CDK15: variants seen among roughly 807,000 people sequenced by gnomAD.
The protein encoded by CDK15 is cyclin-dependent kinase 15.
CDK15 carries 62 observed loss-of-function variants against 60.3 expected under a neutral mutation model. The ratio of observed to expected loss-of-function variants is 1.03; its 90% confidence interval spans 0.84 to 1.27. CDK15 has a LOEUF of 1.27. Among genes scored for constraint, CDK15 ranks in the 50% most tolerant of loss-of-function variants. CDK15 has a pLI of 0.00. For missense variants in CDK15, 541 were observed against 527.8 expected, an observed-to-expected ratio of 1.03 and a Z score of -0.25; for synonymous variants, 194 against 195.7, an observed-to-expected ratio of 0.99 and a Z score of 0.07.
intron 2 of CDK15, 100 bp from the exon 3 acceptor site, chr2:201,807,758 T>G (rs900413689): frequency 1.3e-6 from 2 of 1,548,524 alleles, no homozygotes; most frequent in Non-Finnish European, 1.8e-6. Flanking sequence ...GCTCTGGCAA[T>G]GCTGTCTAAT....
chr2:201,810,010 G>A (rs1382327302), intron 3 of CDK15, among the ~76,000 whole-genome samples: 3 of 151,546 alleles, frequency 2.0e-5, no homozygotes, highest in Non-Finnish European at 2.9e-5. Flanking sequence ...AGCTGAGATC[G>A]GCACCACCGC....
At chr2:201,847,252 A>T in intron 8 of CDK15, 129 bp from the exon 9 acceptor site, 1 of 846,328 alleles carries the variant, frequency 1.2e-6, no homozygotes, top group Non-Finnish European at 1.8e-6. Flanking sequence ...TTGGCCCAAG[A>T]CTTTTAATAT....
At chr2:201,861,566 T>TC in intron 10 of CDK15, 13 of 516,502 alleles carry the variant, frequency 2.5e-5, no homozygotes, top group African/African-American at 4.8e-5. Flanking sequence ...TTTTTTTTTC[T>TC]TTTTTTTTTT....
Position 201,872,271 on chromosome 2 carries a change from T to G in CDK15, c.1010-7T>G, listed in dbSNP as rs1301993402. 1 of 1,614,134 alleles carries G rather than the reference T, an allele frequency of 6.2e-7. No homozygotes were observed. Among genetic ancestry groups the G allele is most frequent in the Non-Finnish European group, 8.5e-7 (1 of 1,179,966 alleles). On this transcript the variant is annotated splice_polypyrimidine_tract_variant and splice_region_variant and intron_variant, in intron 10 of 13. Coordinates refer to ENST00000652192, the MANE Select transcript of CDK15 (RefSeq NM_001366386.2). The stretch of plus-strand genomic sequence containing the variant: ...TTATTTTTTAACGCCCTCTGTATGC[T>G]TCCCAGAATGGTTCCCACTGCCTAC...
chr2:201,888,618 T>C, intron 12 of CDK15: 1 of 1,417,758 alleles, frequency 7.1e-7, no homozygotes, highest in Non-Finnish European at 9.1e-7. Context: ...CCTTTTTCTT[T>C]TTCTATGAGT....
rs569792886 is a variant in CDK15, at chr2:201,860,795, C to G, written c.1009+5858C>G. The G allele has an allele frequency of 1.8e-5, 24 of 1,352,180 alleles. No homozygotes were observed. In the South Asian group the frequency reaches 2.6e-4, roughly 15 times the overall value. 83.8% of individuals were successfully genotyped at this position (1,352,180 alleles called of 1,614,324 possible). A position where few individuals can be genotyped will look rare whatever the true frequency, so the allele number is the denominator to read the frequency against. On this transcript the variant is annotated intron_variant, in intron 10 of 13. Transcript: ENST00000652192. ...ACTGACATCGGACAGCATCGTACTG[C>G]AGCAATGCAGCCTTGTTCTAGGAAT...
intron 7 of CDK15, 47 bp from the exon 8 acceptor site, chr2:201,835,596 A>C (rs1399415261): frequency 2.0e-6 from 3 of 1,484,278 alleles, no homozygotes; most frequent in Non-Finnish European, 2.7e-6. Context: ...TCATGGTGCA[A>C]GCCAAGGTCC....
intron 4 of CDK15, among the ~76,000 whole-genome samples, chr2:201,819,609 G>C (rs1434234974): frequency 6.6e-6 from 1 of 152,198 alleles, no homozygotes; most frequent in African/African-American, 2.4e-5. Flanking sequence ...AGGGAAGCAG[G>C]CATTTGCAAT....
Position 201,847,298 on chromosome 2 carries a change from C to T in CDK15, c.852-83C>T. 4.5e-6 allele frequency: 6 copies of T among 1,334,178 alleles called. No individual in the cohort carries two copies. The South Asian group carries it at 6.4e-5, about 14-fold the overall frequency. 82.6% of individuals were successfully genotyped at this position (1,334,178 alleles called of 1,614,324 possible). ...GTATTTAACTCTCCCTAAAATATTTCTTGGGAAGAGAAATTCTAGTAGTTC... is the reference window on the plus strand; with the variant it reads ...GTATTTAACTCTCCCTAAAATATTTTTTGGGAAGAGAAATTCTAGTAGTTC... On this transcript the variant is annotated intron_variant, in intron 8 of 13. Coordinates refer to ENST00000652192, the MANE Select transcript of CDK15 (RefSeq NM_001366386.2).
intron 11 of CDK15, among the ~76,000 whole-genome samples, chr2:201,872,720 G>A (rs1298157880): frequency 5.3e-5 from 8 of 152,056 alleles, no homozygotes; most frequent in Non-Finnish European, 1.2e-4. Flanking sequence ...CCCTCTCTAC[G>A]CAGTCTCGGC....
intron 12 of CDK15, 89 bp from the exon 13 acceptor site, chr2:201,890,696 C>T (rs1370040353): frequency 3.3e-6 from 3 of 913,312 alleles, no homozygotes; most frequent in Non-Finnish European, 5.0e-6. Flanking sequence ...GACATTTCTT[C>T]AGGTGGCAAA....
intron 12 of CDK15, 57 bp downstream of exon 12, chr2:201,880,224 GTA>G (rs1699228426): frequency 6.3e-7 from 1 of 1,586,418 alleles, no homozygotes; most frequent in Admixed American, 1.8e-5. Context: ...GCGTGTGTGT[GTA>G]AGTCTTGGTG....
At chr2:201,885,204 C>T (rs1699414740) in intron 12 of CDK15, among the ~76,000 whole-genome samples, 1 of 152,192 alleles carries the variant, frequency 6.6e-6, no homozygotes. Flanking sequence ...TTTAAACATT[C>T]TTTAACATGT....
intron 8 of CDK15, among the ~76,000 whole-genome samples, chr2:201,836,155 TATATA>T (rs1272767601): frequency 1.4e-4 from 3 of 21,316 alleles, no homozygotes; most frequent in Admixed American, 9.9e-4. Flanking sequence ...ATATATATTT[TATATA>T]TTTATATATT....
At chr2:201,869,129 C>T (rs1698752949) in intron 10 of CDK15, among the ~76,000 whole-genome samples, 3 of 152,274 alleles carry the variant, frequency 2.0e-5, no homozygotes, top group African/African-American at 4.8e-5. Flanking sequence ...GGAACCAACT[C>T]AAATGTCCAT....
intron 2 of CDK15, 88 bp downstream of exon 2, chr2:201,807,731 C>A: frequency 6.4e-7 from 1 of 1,570,704 alleles, no homozygotes. Flanking sequence ...AATTACTGAG[C>A]GAGCCTTCCC....
chr2:201,843,818 G>A (rs750086340), intron 8 of CDK15, among the ~76,000 whole-genome samples: 21 of 152,076 alleles, frequency 1.4e-4, no homozygotes, highest in Admixed American at 3.3e-4. Context: ...TGGTACTTAC[G>A]TAATGGCCTG....
rs549977484 is a variant in CDK15, at chr2:201,847,133, TCTA to T, written c.852-246_852-244del. Among the ~76,000 whole-genome samples the T allele has an allele frequency of 3.8e-3, 584 of 152,342 alleles. 6 individuals are homozygous for T. Among genetic ancestry groups the T allele is most frequent in the African/African-American group, 0.013 (557 of 41,580 alleles). ...TAAAACAGATAATGAGCTTGAATGA[TCTA>T]CAATGTTTGCTAACTCTACTGCTTT... On this transcript the variant is annotated intron_variant, in intron 8 of 13. Coordinates refer to ENST00000652192, the MANE Select transcript of CDK15 (RefSeq NM_001366386.2).
intron 10 of CDK15, among the ~76,000 whole-genome samples, chr2:201,869,399 G>A (rs548405119): frequency 1.3e-5 from 2 of 151,928 alleles, no homozygotes; most frequent in African/African-American, 4.8e-5. Context: ...GGCAGGGGGA[G>A]GGATAGCATT....
Sources: allele counts gnomAD v4.1 joint callset (sites outside exome capture counted in the v4.1 genomes callset), GRCh38; gene constraint gnomAD v4.1.1; transcripts MANE v1.5; gene names NCBI Gene and HGNC (gene_info 2026-07-23, HGNC 2026-07-21).